The following LEMD3 variants were observed in gnomAD, a reference collection of about 807,000 sequenced individuals.
The protein encoded by LEMD3 is inner nuclear membrane protein Man1.
A neutral mutation model predicts 95.2 loss-of-function variants in LEMD3; 33 were observed. The observed-to-expected ratio is 0.35, with a 90% CI of 0.26 to 0.46. The LOEUF is 0.46. Among genes scored for constraint, LEMD3 ranks in the 20% least tolerant of loss-of-function variants. LEMD3 has a pLI of 1.00. For missense variants in LEMD3, 1,210 were observed against 1,192.8 expected, an observed-to-expected ratio of 1.01 and a Z score of -0.21; for synonymous variants, 525 against 474.6, an observed-to-expected ratio of 1.11 and a Z score of -1.38.
chr12:65,239,678 T>C (rs1870874129), intron 6 of LEMD3, among the ~76,000 whole-genome samples: 2 of 152,168 alleles, frequency 1.3e-5, no homozygotes, highest in South Asian at 2.1e-4. Flanking sequence ...TAGTTATATA[T>C]ATATATTTTT....
intron 1 of LEMD3, among the ~76,000 whole-genome samples, chr12:65,184,436 A>G (rs2136320931): frequency 6.6e-6 from 1 of 152,302 alleles, no homozygotes; most frequent in Non-Finnish European, 1.5e-5. Context: ...GTTTAAGTTT[A>G]GGGAATCAGA....
At chr12:65,221,022 A>G (rs543059265) in intron 4 of LEMD3, among the ~76,000 whole-genome samples, 11 of 152,148 alleles carry the variant, frequency 7.2e-5, no homozygotes, top group Non-Finnish European at 1.3e-4. Flanking sequence ...TTCCATATGG[A>G]TATTAGGATT....
At chr12:65,180,536 A>T (rs1016639692) in intron 1 of LEMD3, among the ~76,000 whole-genome samples, 2 of 152,194 alleles carry the variant, frequency 1.3e-5, no homozygotes, top group East Asian at 3.9e-4. Flanking sequence ...AAGTTATAGT[A>T]ACAGAGGTAA....
At chr12:65,197,420 A>G (rs185181681) in intron 1 of LEMD3, among the ~76,000 whole-genome samples, 2 of 152,286 alleles carry the variant, frequency 1.3e-5, no homozygotes, top group Non-Finnish European at 2.9e-5. Flanking sequence ...ATATGACTAC[A>G]GTATATGCTG....
At chr12:65,208,293 C>T (rs1869826073) in intron 1 of LEMD3, among the ~76,000 whole-genome samples, 3 of 152,030 alleles carry the variant, frequency 2.0e-5, no homozygotes, top group Non-Finnish European at 4.4e-5. Context: ...GGCTGCAAGG[C>T]TCTGCCTTTA....
intron 1 of LEMD3, among the ~76,000 whole-genome samples, 164 bp from the exon 2 acceptor site, chr12:65,210,761 GA>G (rs1869912504): frequency 6.6e-6 from 1 of 152,162 alleles, no homozygotes; most frequent in Non-Finnish European, 1.5e-5. Context: ...GTATAAGTCT[GA>G]AAAATTACTT....
chr12:65,169,944 G>A lies in LEMD3; in HGVS notation c.348G>A (p.Glu116=). ...GCCGAATCTCGGCCTCTGGCCCAGAGAGCCTCCTGGGAGGGCCCGGGGGCG... is the reference window on the plus strand; with the variant it reads ...GCCGAATCTCGGCCTCTGGCCCAGAAAGCCTCCTGGGAGGGCCCGGGGGCG... ...GLCRISASGP[E]SLLGGPGGAS... The change falls in exon 1 of 13, where the codon GAG becomes GAA. Residue 116 remains glutamate (E), a synonymous_variant. Transcript: ENST00000308330. 6.9e-7 allele frequency: 1 copy of A among 1,453,474 alleles called. No homozygotes were observed. Among genetic ancestry groups the A allele is most frequent in the South Asian group, 1.5e-5 (1 of 68,744 alleles). The allele number at this position is 1,453,474 out of a possible 1,614,324, so 90.0% of individuals were successfully genotyped here.
chr12:65,210,329 T>G (rs752489011), intron 1 of LEMD3, among the ~76,000 whole-genome samples: 25 of 152,134 alleles, frequency 1.6e-4, no homozygotes, highest in Admixed American at 9.8e-4. Flanking sequence ...AAGTCAGAAT[T>G]CTAAATGAAT....
At chr12:65,229,192 A>C (rs2136347983) in intron 4 of LEMD3, among the ~76,000 whole-genome samples, 1 of 152,294 alleles carries the variant, frequency 6.6e-6, no homozygotes, top group Non-Finnish European at 1.5e-5. Context: ...AATGTTCTTC[A>C]AGTGCATCGG....
In LEMD3 at chr12:65,170,895, T is replaced by A. The variant is rs1236839613; in HGVS notation, c.1299T>A (p.Asn433Lys). 7.4e-6 allele frequency: 12 copies of A among 1,614,178 alleles called. No individual in the cohort carries two copies. The highest frequency in any genetic ancestry group is 1.0e-5 in the Non-Finnish European group (12 of 1,180,038). The change falls in exon 1 of 13, where the codon AAT (asparagine) becomes AAA (lysine). Residue 433 changes from asparagine (N) to lysine (K), a missense_variant. Asn to Lys is a moderately conservative substitution (Grantham distance 94). This residue lies in a region of LEMD3 where 749 missense variants were observed against 622.9 expected (regional missense o/e 1.20). Coordinates refer to ENST00000308330, the MANE Select transcript of LEMD3 (RefSeq NM_014319.5). ...RINHANHTGS[N>K]HTYLKNTYNK... ...ATCACGCCAATCATACGGGCTCCAATCATACCTACCTGAAAAACACATACA... is the reference window on the plus strand; with the variant it reads ...ATCACGCCAATCATACGGGCTCCAAACATACCTACCTGAAAAACACATACA...
rs1565776531 is a variant in LEMD3 at position 65,170,920 on chromosome 12, A to G, written c.1324A>G (p.Asn442Asp). ...TCATACCTACCTGAAAAACACATACAACAAACCGAAGCTTTCCGAACCCGA... is the reference window on the plus strand; with the variant it reads ...TCATACCTACCTGAAAAACACATACGACAAACCGAAGCTTTCCGAACCCGA... Reference protein sequence around the residue: ...SNHTYLKNTYNKPKLSEPEEE... With the variant: ...SNHTYLKNTYDKPKLSEPEEE... The change falls in exon 1 of 13, where the codon AAC becomes GAC. Residue 442 changes from asparagine to aspartate, a missense_variant. Around this residue, in one of 2 missense-constraint regions of LEMD3, gnomAD observed 749 missense variants for 622.9 expected, o/e 1.20. Coordinates refer to ENST00000308330, the MANE Select transcript of LEMD3 (RefSeq NM_014319.5). The G allele has an allele frequency of 2.5e-6, 4 of 1,614,200 alleles. No individual in the cohort carries two copies. In the South Asian group the frequency reaches 3.3e-5, roughly 13 times the overall value.
chr12:65,173,030 A>AT (rs1565777411), intron 1 of LEMD3, among the ~76,000 whole-genome samples: 3 of 152,132 alleles, frequency 2.0e-5, no homozygotes. Flanking sequence ...TGGTATCCTC[A>AT]TTTTTGGATG....
chr12:65,175,261 AATTTT>A (rs903506652), intron 1 of LEMD3, among the ~76,000 whole-genome samples: 2 of 152,188 alleles, frequency 1.3e-5, no homozygotes, highest in Non-Finnish European at 2.9e-5. Context: ...TCCATATACT[AATTTT>A]AAGTACAGAG....
rs1290434318 is a variant in LEMD3 at position 65,169,983 on chromosome 12, C to G, written c.387C>G (p.Pro129=). Residue 129 remains proline, a synonymous_variant, in exon 1 of 13, where the codon CCC becomes CCG. Transcript: ENST00000308330. The part of the protein sequence containing the change: ...LGGPGGASAA[P]AAGSKVLLGF... ...GGCCCGGGGGCGCCTCCGCCGCCCC[C>G]GCGGCTGGCAGCAAAGTGCTGCTGG... is the stretch of plus-strand genomic sequence containing the variant. The G allele has an allele frequency of 2.0e-6, 3 of 1,469,562 alleles. No individual in the cohort carries two copies. Among genetic ancestry groups the G allele is most frequent in the African/African-American group, 1.5e-5 (1 of 67,314 alleles). 91.0% of individuals were successfully genotyped at this position (1,469,562 alleles called of 1,614,324 possible). A position where few individuals can be genotyped will look rare whatever the true frequency, so the allele number is the denominator to read the frequency against.
At position 65,169,854 on chromosome 12, in the gene LEMD3, C is replaced by T. The variant is rs1868456732; in HGVS notation, c.258C>T (p.Ala86=). Residue 86 remains alanine (A), a synonymous_variant, in exon 1 of 13, where the codon GCC becomes GCT. Coordinates refer to ENST00000308330, the MANE Select transcript of LEMD3 (RefSeq NM_014319.5). ...VAAAGPAAAA[A]AGMGVRPVSG... is the part of the protein sequence containing the mutation. Reference sequence around the variant, plus strand: ...CCGCGGGACCAGCGGCGGCGGCGGCCGCGGGGATGGGGGTCCGGCCGGTCT... The same window carrying T: ...CCGCGGGACCAGCGGCGGCGGCGGCTGCGGGGATGGGGGTCCGGCCGGTCT... 6.8e-7 allele frequency: 1 copy of T among 1,460,824 alleles called. No individual in the cohort carries two copies. The highest frequency in any genetic ancestry group is 9.0e-7 in the Non-Finnish European group (1 of 1,105,280). The allele number at this position is 1,460,824 out of a possible 1,614,324, so 90.5% of individuals were successfully genotyped here. A position where few individuals can be genotyped will look rare whatever the true frequency, so the allele number is the denominator to read the frequency against.
intron 4 of LEMD3, among the ~76,000 whole-genome samples, chr12:65,225,071 A>G (rs1472933553): frequency 6.6e-6 from 1 of 151,776 alleles, no homozygotes; most frequent in Non-Finnish European, 1.5e-5. Flanking sequence ...TTAGCTCCAA[A>G]ATTTCTGGGT....
At chr12:65,218,743 G>T in intron 4 of LEMD3, 124 bp downstream of exon 4, 1 of 560,276 alleles carries the variant, frequency 1.8e-6, no homozygotes, top group Non-Finnish European at 3.2e-6. Flanking sequence ...CCTGCTGTTT[G>T]GTATAATATG....
Position 65,240,994 on chromosome 12 carries a change from G to C in LEMD3, c.2212G>C (p.Gly738Arg). The change falls in exon 9 of 13, where the codon GGT (glycine) becomes CGT (arginine). Residue 738 changes from glycine (G) to arginine (R), a missense_variant. Around this residue, in one of 2 missense-constraint regions of LEMD3, gnomAD observed 461 missense variants for 569.8 expected, o/e 0.81. Transcript: ENST00000308330. ...SRVRTETRRI[G>R]GADFLVWRWI... Reference sequence around the variant, plus strand: ...AGTTCGCACGGAAACACGAAGAATAGGTGGTGCAGATTTTCTGGTTTGGCG... The same window carrying C: ...AGTTCGCACGGAAACACGAAGAATACGTGGTGCAGATTTTCTGGTTTGGCG... The C allele has an allele frequency of 1.2e-6, 2 of 1,614,070 alleles. No individual in the cohort carries two copies. The highest frequency in any genetic ancestry group is 1.1e-5 in the South Asian group (1 of 91,076).
chr12:65,221,294 C>A (rs1289348650), intron 4 of LEMD3, among the ~76,000 whole-genome samples: 1 of 150,936 alleles, frequency 6.6e-6, no homozygotes, highest in Admixed American at 6.6e-5. Context: ...ATTTTCTTAA[C>A]CTCCTTTTCA....
Sources: allele counts gnomAD v4.1 joint callset (sites outside exome capture counted in the v4.1 genomes callset), GRCh38; gene constraint gnomAD v4.1.1; regional missense constraint gnomAD v4.1.1; transcripts MANE v1.5; gene names NCBI Gene and HGNC (gene_info 2026-07-23, HGNC 2026-07-21).